Variants in HACE1 observed in about 807,000 individuals in gnomAD.
The protein encoded by HACE1 is HECT domain and ankyrin repeat containing E3 ubiquitin protein ligase 1.
In HACE1, 73 loss-of-function variants were observed where a neutral mutation model predicts 118.4. The ratio of observed to expected loss-of-function variants is 0.62; its 90% CI spans 0.51 to 0.75. HACE1 has a LOEUF of 0.75. Ranked by LOEUF, HACE1 falls within the 30% of genes least tolerant of loss-of-function variation. The probability of loss-of-function intolerance (pLI) is 0.00; values close to 1 mark genes in which losing one functional copy is unlikely to be tolerated. For missense variants in HACE1, 749 were observed against 1,102.2 expected, an observed-to-expected ratio of 0.68 and a Z score of 4.54; for synonymous variants, 368 against 374.8, an observed-to-expected ratio of 0.98 and a Z score of 0.21.
chr6:104,778,689 T>C (rs1781453221), intron 14 of HACE1, among the ~76,000 whole-genome samples: 1 of 151,932 alleles, frequency 6.6e-6, no homozygotes, highest in Non-Finnish European at 1.5e-5. Context: ...CAGTCCTGGC[T>C]GCTCAGAAGG....
intron 21 of HACE1, 55 bp from the exon 22 acceptor site, chr6:104,744,285 C>T: frequency 9.4e-7 from 1 of 1,067,136 alleles, no homozygotes; most frequent in Non-Finnish European, 1.5e-6. Flanking sequence ...GTAGACTTCT[C>T]AATACCAGAG....
At chr6:104,742,735 A>T (rs958809740) in intron 22 of HACE1, among the ~76,000 whole-genome samples, 5 of 151,852 alleles carry the variant, frequency 3.3e-5, no homozygotes, top group African/African-American at 9.7e-5. Context: ...TAGTTCAACC[A>T]TTGTGGAAGT....
At chr6:104,835,492 A>C (rs1180696512) in intron 5 of HACE1, among the ~76,000 whole-genome samples, 2 of 152,192 alleles carry the variant, frequency 1.3e-5, no homozygotes, top group Non-Finnish European at 2.9e-5. Flanking sequence ...GTGCAAACTC[A>C]AAACAAGAAT....
At chr6:104,757,856 C>T (rs1204092529) in intron 19 of HACE1, among the ~76,000 whole-genome samples, 1 of 152,058 alleles carries the variant, frequency 6.6e-6, no homozygotes, top group Non-Finnish European at 1.5e-5. Context: ...GCTTAAATGA[C>T]CTGATGGAGC....
intron 5 of HACE1, among the ~76,000 whole-genome samples, chr6:104,842,130 C>A (rs1775172783): frequency 6.6e-6 from 1 of 152,076 alleles, no homozygotes; most frequent in African/African-American, 2.4e-5. Context: ...CAAAGCAGGA[C>A]CCCACCTCTA....
At chr6:104,815,370 ATT>A (rs113168563) in intron 6 of HACE1, among the ~76,000 whole-genome samples, 18 of 126,788 alleles carry the variant, frequency 1.4e-4, no homozygotes, top group East Asian at 2.3e-4. Flanking sequence ...GGTGGAAGAA[ATT>A]TTTTTTTTTT....
chr6:104,732,415 G>A (rs1417069055), intron 22 of HACE1: 2 of 152,138 alleles, frequency 1.3e-5, no homozygotes, highest in Non-Finnish European at 2.9e-5. Flanking sequence ...GAATCTAGAA[G>A]ACCTTATGCT....
chr6:104,859,677 C>T lies in HACE1; in HGVS notation c.-35G>A. The T allele has an allele frequency of 6.6e-7, 1 of 1,517,004 alleles. No homozygotes were observed. Among genetic ancestry groups the T allele is most frequent in the Non-Finnish European group, 8.8e-7 (1 of 1,132,812 alleles). 94.0% of individuals were successfully genotyped at this position (1,517,004 alleles called of 1,614,324 possible). Reference sequence around the variant, plus strand: ...GCCCTCCGCGATCCTCCGCGATCAGCCGCCCCACCGGCGGCCTCCGCGCCC... The same window carrying T: ...GCCCTCCGCGATCCTCCGCGATCAGTCGCCCCACCGGCGGCCTCCGCGCCC... On this transcript the variant is annotated 5_prime_UTR_variant, in exon 1 of 24. Coordinates refer to ENST00000262903, the MANE Select transcript of HACE1 (RefSeq NM_020771.4).
chr6:104,804,939 GAA>G, intron 7 of HACE1, among the ~76,000 whole-genome samples: 1 of 152,038 alleles, frequency 6.6e-6, no homozygotes, highest in South Asian at 2.1e-4. Flanking sequence ...GAATGGGAGA[GAA>G]TTTTTGCAAT....
chr6:104,859,530 A>AGCCCCGCGGCCAGCCTG (rs1419310923), intron 1 of HACE1, 37 bp downstream of exon 1: 8 of 1,465,988 alleles, frequency 5.5e-6, no homozygotes, highest in African/African-American at 2.9e-5. Context: ...GGCCGCCCCC[A>AGCCCCGCGGCCAGCCTG]GCCCCGCGGC....
At chr6:104,836,168 G>A (rs953407215) in intron 5 of HACE1, among the ~76,000 whole-genome samples, 13 of 152,158 alleles carry the variant, frequency 8.5e-5, no homozygotes, top group African/African-American at 2.9e-4. Context: ...CCCAGATGAT[G>A]AGACATTCCA....
At chr6:104,813,844 A>C (rs1771864121) in intron 6 of HACE1, among the ~76,000 whole-genome samples, 1 of 138,432 alleles carries the variant, frequency 7.2e-6, no homozygotes, top group African/African-American at 2.9e-5. Context: ...TAACAAAGAC[A>C]GTAAAGGGAA....
At chr6:104,858,352 A>C (rs1030823321) in intron 1 of HACE1, 1 of 224,322 alleles carries the variant, frequency 4.5e-6, no homozygotes, top group African/African-American at 2.4e-5. Context: ...TGAAGCTAGA[A>C]TCTAGTTACC....
At chr6:104,842,071 G>A (rs1775167268) in intron 5 of HACE1, among the ~76,000 whole-genome samples, 2 of 152,224 alleles carry the variant, frequency 1.3e-5, no homozygotes, top group South Asian at 2.1e-4. Context: ...TTGGGATGCA[G>A]AAGTGAAAGG....
intron 6 of HACE1, among the ~76,000 whole-genome samples, chr6:104,832,381 TTTG>T (rs3035082): frequency 0.44 from 65,919 of 150,720 alleles, 15,873 homozygotes; most frequent in East Asian, 0.58. Context: ...TTTCCTGTTT[TTTG>T]TTGTTGTTGT....
intron 22 of HACE1, among the ~76,000 whole-genome samples, chr6:104,732,854 C>T (rs1159575768): frequency 6.6e-6 from 1 of 152,098 alleles, no homozygotes; most frequent in Non-Finnish European, 1.5e-5. Context: ...TCTGGGAAGT[C>T]GTCTGGTTTG....
chr6:104,775,976 C>T (rs909233677), intron 17 of HACE1, among the ~76,000 whole-genome samples: 1 of 152,288 alleles, frequency 6.6e-6, no homozygotes, highest in Admixed American at 6.5e-5. Flanking sequence ...AAACTGAAAT[C>T]CCACCTTCAC....
At chr6:104,805,886 C>T (rs929949161) in intron 7 of HACE1, among the ~76,000 whole-genome samples, 16 of 151,636 alleles carry the variant, frequency 1.1e-4, no homozygotes, top group African/African-American at 3.9e-4. Context: ...CAATTTAGTA[C>T]TCAAAAAAAT....
chr6:104,737,458 T>A (rs958502389), intron 22 of HACE1, among the ~76,000 whole-genome samples: 2 of 151,914 alleles, frequency 1.3e-5, no homozygotes, highest in African/African-American at 4.8e-5. Context: ...TGGGCGCAGG[T>A]CAGTGGGTGT....
Sources: allele counts gnomAD v4.1 joint callset (sites outside exome capture counted in the v4.1 genomes callset), GRCh38; gene constraint gnomAD v4.1.1; transcripts MANE v1.5; gene names NCBI Gene and HGNC (gene_info 2026-07-23, HGNC 2026-07-21).